The following WDR27 variants were observed in gnomAD, a reference collection of about 807,000 sequenced individuals.
The protein encoded by WDR27 is WD repeat domain 27, also known as WD repeat-containing protein 27.
Under a neutral mutation model 114.4 loss-of-function variants are expected in WDR27, and 100 were observed. The observed-to-expected ratio is 0.87, with a 90% CI of 0.74 to 1.03. The LOEUF (loss-of-function observed/expected upper bound fraction) is 1.03. WDR27 is among the 50% of genes least tolerant of loss of function. The pLI is 0.00. For missense variants in WDR27, 1,129 were observed against 1,092.9 expected, an observed-to-expected ratio of 1.03 and a Z score of -0.47; for synonymous variants, 449 against 423.1, an observed-to-expected ratio of 1.06 and a Z score of -0.75.
intron 7 of WDR27, chr6:169,665,242 C>G: frequency 1.6e-6 from 2 of 1,273,714 alleles, no homozygotes; most frequent in East Asian, 6.6e-5. Context: ...TTGCTGCACT[C>G]CAGAACCACG....
chr6:169,660,219 C>T (rs942138477), intron 10 of WDR27, among the ~76,000 whole-genome samples: 1 of 151,464 alleles, frequency 6.6e-6, no homozygotes, highest in Non-Finnish European at 1.5e-5. Flanking sequence ...GTGGAGGTGA[C>T]TATTCCTACA....
chr6:169,668,045 C>A lies in WDR27; in HGVS notation c.597G>T (p.Ala199=), dbSNP rs372781921. ...CTGCTCGCCAGGGACAGAACTCCAC[C>A]GCAGTCACCGGGCCCAGGTGGCCCT... ...ELQGHLGPVT[A]VEFCPWRAGT... Residue 199 remains alanine, a synonymous_variant, in exon 5 of 26, where the codon GCG becomes GCT. Coordinates refer to ENST00000448612, the MANE Select transcript of WDR27 (RefSeq NM_182552.5). 1 of 1,613,900 alleles carries A rather than the reference C, an allele frequency of 6.2e-7. No homozygotes were observed. The highest frequency in any genetic ancestry group is 8.5e-7 in the Non-Finnish European group (1 of 1,179,906).
chr6:169,656,332 G>A lies in WDR27; in HGVS notation c.1402+1944C>T, dbSNP rs140197376. Among the ~76,000 whole-genome samples the A allele has an allele frequency of 2.6e-3, 401 of 152,308 alleles. 2 individuals are homozygous for A. The highest frequency in any genetic ancestry group is 9.3e-3 in the African/African-American group (386 of 41,582). On this transcript the variant is annotated intron_variant, in intron 13 of 25. Coordinates refer to ENST00000448612, the MANE Select transcript of WDR27 (RefSeq NM_182552.5). ...AAAGAGGTTCTCAATCCCGTCTGTG[G>A]ATTCATCCGAGACATGTGGTTTGGC...
chr6:169,513,769 GGTCA>G (rs1205977729), intron 25 of WDR27, among the ~76,000 whole-genome samples: 1 of 73,950 alleles, frequency 1.4e-5, no homozygotes, highest in African/African-American at 4.3e-5. Flanking sequence ...TGGAAACTGT[GGTCA>G]GTCATTCACT....
chr6:169,438,516 C>T, the WDR27 span, among the ~76,000 whole-genome samples: 1 of 152,124 alleles, frequency 6.6e-6, no homozygotes, highest in African/African-American at 2.4e-5. Context: ...GGATTACAGG[C>T]GTGAGCCACC....
chr6:169,569,447 A>G (rs1291534532), intron 25 of WDR27, among the ~76,000 whole-genome samples: 1 of 152,228 alleles, frequency 6.6e-6, no homozygotes, highest in Non-Finnish European at 1.5e-5. Context: ...AAAATTGTTA[A>G]GCTTCATTTT....
intron 25 of WDR27, among the ~76,000 whole-genome samples, chr6:169,518,497 C>T (rs1423756095): frequency 1.3e-5 from 2 of 152,230 alleles, no homozygotes; most frequent in African/African-American, 2.4e-5. Flanking sequence ...ACAAACTGTA[C>T]CTGGGGTCCT....
chr6:169,437,417 G>GT, the WDR27 span, among the ~76,000 whole-genome samples: 2 of 152,088 alleles, frequency 1.3e-5, no homozygotes. Context: ...TCTGAAATCT[G>GT]TTTTTTTACA....
At chr6:169,438,248 T>C in the WDR27 span, among the ~76,000 whole-genome samples, 2 of 147,440 alleles carry the variant, frequency 1.4e-5, no homozygotes, top group East Asian at 3.9e-4. Context: ...TTTTTTTTTT[T>C]TTTTTTTGAG....
Position 169,646,111 on chromosome 6 carries a change from A to T in WDR27, c.1657+1662T>A, listed in dbSNP as rs1820683694. 2.6e-5 allele frequency among the ~76,000 whole-genome samples: 4 copies of T among 152,382 alleles called. 1 individual carries two copies. The Middle Eastern group carries it at 0.014, about 518-fold the overall frequency. ...TAGAACTTCTAGTTAACCTGGTTCTAAAACACAAACACTAACATCGGCATG... is the reference window on the plus strand; with the variant it reads ...TAGAACTTCTAGTTAACCTGGTTCTTAAACACAAACACTAACATCGGCATG... On this transcript the variant is annotated intron_variant, in intron 16 of 25. Transcript: ENST00000448612.
At chr6:169,669,844 C>T in intron 4 of WDR27, 1 of 152,128 alleles carries the variant, frequency 6.6e-6, no homozygotes. Context: ...TCCCAAAACG[C>T]CTATTACACA....
intron 25 of WDR27, among the ~76,000 whole-genome samples, chr6:169,555,067 GCTGA>G (rs1364931349): frequency 3.3e-5 from 5 of 152,122 alleles, no homozygotes; most frequent in East Asian, 1.9e-4. Flanking sequence ...TGATGATTAG[GCTGA>G]CTAACAAGAA....
chr6:169,652,938 A>C (rs1462365229), intron 13 of WDR27, among the ~76,000 whole-genome samples: 1 of 151,912 alleles, frequency 6.6e-6, no homozygotes, highest in Non-Finnish European at 1.5e-5. Flanking sequence ...GAGTGATCTA[A>C]ATGAAGCGTA....
chr6:169,513,181 T>A (rs192647182), intron 25 of WDR27, among the ~76,000 whole-genome samples: 3 of 152,254 alleles, frequency 2.0e-5, no homozygotes, highest in Admixed American at 2.0e-4. Flanking sequence ...AGCAGGAATT[T>A]CTGGGGGCAC....
At chr6:169,681,686 C>A (rs1164415210) in intron 2 of WDR27, among the ~76,000 whole-genome samples, 1 of 152,224 alleles carries the variant, frequency 6.6e-6, no homozygotes, top group Non-Finnish European at 1.5e-5. Flanking sequence ...TGGCTTCGCT[C>A]CAATTCCCTC....
At chr6:169,525,548 AAG>A (rs1158199768) in intron 25 of WDR27, among the ~76,000 whole-genome samples, 1 of 150,906 alleles carries the variant, frequency 6.6e-6, no homozygotes, top group East Asian at 1.9e-4. Flanking sequence ...AAAAAAAAAA[AAG>A]AAAAAAGAAA....
chr6:169,633,257 T>A (rs943264815), intron 20 of WDR27, among the ~76,000 whole-genome samples, 189 bp from the exon 21 acceptor site: 9 of 152,064 alleles, frequency 5.9e-5, no homozygotes, highest in Non-Finnish European at 1.3e-4. Flanking sequence ...TGACTCCAGG[T>A]GTTGGCAAGA....
At chr6:169,552,561 G>A (rs187999667) in intron 25 of WDR27, among the ~76,000 whole-genome samples, 2 of 152,252 alleles carry the variant, frequency 1.3e-5, no homozygotes, top group Admixed American at 1.3e-4. Context: ...CAATAAAAGA[G>A]GTGAAATCAC....
chr6:169,676,480 T>C (rs558448473), intron 2 of WDR27, among the ~76,000 whole-genome samples: 22 of 152,320 alleles, frequency 1.4e-4, no homozygotes, highest in Admixed American at 2.0e-4. Context: ...CGAAGCTGTC[T>C]CTTGTGGGGA....
Sources: gnomAD v4.1 joint callset for allele counts (sites outside exome capture counted in the v4.1 genomes callset) on GRCh38, gnomAD v4.1.1 for gene constraint, MANE v1.5 for transcripts, NCBI Gene and HGNC (gene_info 2026-07-23, HGNC 2026-07-21) for gene names.